Variants in DHRS2 observed in about 807,000 individuals in gnomAD.
DHRS2 encodes dehydrogenase/reductase SDR family member 2, mitochondrial.
In DHRS2, 29 loss-of-function variants were observed where a neutral mutation model predicts 26.3. The ratio of observed to expected loss-of-function variants is 1.10; its 90% CI spans 0.82 to 1.50. DHRS2 has a LOEUF of 1.50. DHRS2 is among the 40% of genes most tolerant of loss of function. DHRS2 has a pLI of 0.00. For synonymous variants in DHRS2, 164 were observed against 151.3 expected (o/e 1.08, Z -0.62); for missense variants, 439 against 367.1 (o/e 1.20, Z -1.60).
chr14:23,636,172 C>G (rs1005189340), upstream of DHRS2, among the ~76,000 whole-genome samples: 2 of 152,098 alleles, frequency 1.3e-5, no homozygotes, highest in African/African-American at 4.8e-5. Flanking sequence ...CCAATCAGCA[C>G]TCTGTGTCTA....
At position 23,639,359 on chromosome 14, in the gene DHRS2, G is replaced by A. The variant is rs756150583; in HGVS notation, c.318+3G>A. ...ACCGGGAGCAGCTGGTGGCCAAGGT[G>A]AGGGGGCAGGCGGTGGAAGGACACA... is the stretch of plus-strand genomic sequence containing the variant. On this transcript the variant is annotated splice_donor_region_variant and intron_variant, in intron 3 of 8. Transcript: ENST00000250383. The A allele has an allele frequency of 6.4e-7, 1 of 1,562,946 alleles. No individual in the cohort carries two copies. Among genetic ancestry groups the A allele is most frequent in the Admixed American group, 1.9e-5 (1 of 52,618 alleles).
intron 1 of DHRS2, chr14:23,630,262 C>T (rs997487953): frequency 1.3e-5 from 2 of 152,294 alleles, no homozygotes; most frequent in Non-Finnish European, 2.9e-5. Flanking sequence ...ATCACACTGC[C>T]CAGGGCAGGC....
Position 23,645,408 on chromosome 14 carries a change from C to G in DHRS2, c.*155C>G. The G allele has an allele frequency of 6.8e-7, 1 of 1,468,246 alleles. No individual in the cohort carries two copies. The highest frequency in any genetic ancestry group is 9.2e-7 in the Non-Finnish European group (1 of 1,089,408). The allele number at this position is 1,468,246 out of a possible 1,614,324, so 91.0% of individuals were successfully genotyped here. On this transcript the variant is annotated 3_prime_UTR_variant, in exon 9 of 9. Coordinates refer to ENST00000250383, the MANE Select transcript of DHRS2 (RefSeq NM_005794.4). ...CTAGGCTTGAGGAAGAAGAAAAACGCTTCGGCATTCTCCTTAGGACTTATC... is the reference window on the plus strand; with the variant it reads ...CTAGGCTTGAGGAAGAAGAAAAACGGTTCGGCATTCTCCTTAGGACTTATC...
chr14:23,643,289 A>G (rs749834920), intron 5 of DHRS2, 70 bp downstream of exon 5: 15 of 1,408,382 alleles, frequency 1.1e-5, no homozygotes, highest in Non-Finnish European at 1.5e-5. Context: ...TACAGTCGGT[A>G]GCACAGCCAG....
upstream of DHRS2, among the ~76,000 whole-genome samples, chr14:23,632,130 T>C (rs1424092491): frequency 6.6e-6 from 1 of 152,168 alleles, no homozygotes; most frequent in African/African-American, 2.4e-5. Flanking sequence ...GCAGGGGGCG[T>C]CCTGTCCCGA....
At chr14:23,643,741 T>C (rs1466597962) in intron 5 of DHRS2, 3 of 312,090 alleles carry the variant, frequency 9.6e-6, no homozygotes, top group Non-Finnish European at 1.8e-5. Flanking sequence ...GACTGTCACT[T>C]CTGGTCTCCC....
At chr14:23,633,999 A>G (rs539377565), upstream of DHRS2, among the ~76,000 whole-genome samples, 2 of 151,064 alleles carry the variant, frequency 1.3e-5, no homozygotes, top group South Asian at 4.2e-4. Context: ...TCATGTAGGC[A>G]TCACTTGCTT....
intron 4 of DHRS2, chr14:23,640,159 A>C: frequency 1.3e-6 from 1 of 742,292 alleles, no homozygotes; most frequent in Non-Finnish European, 1.7e-6. Context: ...TTCAGCAGGT[A>C]TTTATTGCTG....
chr14:23,632,256 G>A (rs1186583899), upstream of DHRS2, among the ~76,000 whole-genome samples: 2 of 152,188 alleles, frequency 1.3e-5, no homozygotes, highest in Non-Finnish European at 1.5e-5. Context: ...TTCCCCAGGG[G>A]GGGCATAACA....
chr14:23,635,235 A>C (rs748687079), upstream of DHRS2, among the ~76,000 whole-genome samples: 162 of 152,152 alleles, frequency 1.1e-3, no homozygotes, highest in Non-Finnish European at 2.1e-3. Context: ...GCTAATTTTT[A>C]TAGAGACATG....
chr14:23,634,612 G>A (rs1426614590), upstream of DHRS2, among the ~76,000 whole-genome samples: 4 of 152,056 alleles, frequency 2.6e-5, no homozygotes, highest in Non-Finnish European at 5.9e-5. Context: ...ATGTTGTTCA[G>A]TGTGGCTTCA....
At chr14:23,642,195 C>A in intron 4 of DHRS2, 1 of 1,011,226 alleles carries the variant, frequency 9.9e-7, no homozygotes, top group South Asian at 4.2e-5. Context: ...AGCTCAGAGC[C>A]AAGTCTGCGA....
chr14:23,641,792 C>T (rs1207114858), intron 4 of DHRS2: 26 of 1,285,370 alleles, frequency 2.0e-5, no homozygotes, highest in Non-Finnish European at 2.5e-5. Context: ...ATTTCTCCTT[C>T]CCACATCCAA....
upstream of DHRS2, among the ~76,000 whole-genome samples, chr14:23,634,022 A>G (rs925852040): frequency 7.2e-6 from 1 of 138,934 alleles, no homozygotes; most frequent in Admixed American, 7.3e-5. Context: ...CAAATACAAC[A>G]TTGCCAGCAC....
At chr14:23,634,901 C>A (rs1234265425), upstream of DHRS2, among the ~76,000 whole-genome samples, 1 of 152,156 alleles carries the variant, frequency 6.6e-6, no homozygotes, top group East Asian at 1.9e-4. Context: ...TCCCCCTTTG[C>A]TCTCACTTCC....
At position 23,638,812 on chromosome 14, in the gene DHRS2, G is replaced by T; in HGVS notation, c.-38-15G>T. On this transcript the variant is annotated splice_polypyrimidine_tract_variant and intron_variant, in intron 1 of 8. Transcript: ENST00000250383. ...TGAGGCATCAGTGATAAGTGAAATT[G>T]ATTCTTTCCCCCAGGCCTGATTCAG... 2 of 1,586,844 alleles carry T rather than the reference G, an allele frequency of 1.3e-6. No individual in the cohort carries two copies. Among genetic ancestry groups the T allele is most frequent in the South Asian group, 2.3e-5 (2 of 87,160 alleles).
upstream of DHRS2, among the ~76,000 whole-genome samples, chr14:23,634,090 C>T (rs1165216105): frequency 1.9e-4 from 15 of 77,582 alleles, no homozygotes; most frequent in Non-Finnish European, 2.6e-4. Context: ...TTTTTTGAGA[C>T]GGAGTCTCCC....
At chr14:23,641,731 C>T (rs1890680984) in intron 4 of DHRS2, 2 of 1,289,774 alleles carry the variant, frequency 1.6e-6, no homozygotes, top group Non-Finnish European at 1.0e-6. Context: ...GGGTCATCCC[C>T]CACACTGGTA....
chr14:23,641,858 A>C, intron 4 of DHRS2: 2 of 1,230,974 alleles, frequency 1.6e-6, no homozygotes, highest in Non-Finnish European at 2.1e-6. Context: ...AGTCCTGGTG[A>C]GTTGCAGATG....
Sources: allele counts gnomAD v4.1 joint callset (sites outside exome capture counted in the v4.1 genomes callset), GRCh38; gene constraint gnomAD v4.1.1; transcripts MANE v1.5; gene names NCBI Gene and HGNC (gene_info 2026-07-23, HGNC 2026-07-21).